HFM1: variants seen among roughly 807,000 people sequenced by gnomAD.
HFM1 encodes helicase for meiosis 1.
A neutral mutation model predicts 192.1 loss-of-function variants in HFM1; 169 were observed. The ratio of observed to expected loss-of-function variants is 0.88; its 90% confidence interval spans 0.78 to 1.00. HFM1 has a LOEUF of 1.00. Ranked by LOEUF, HFM1 falls within the 50% of genes least tolerant of loss-of-function variation. The probability of loss-of-function intolerance (pLI) is 0.00; values close to 1 mark genes in which losing one functional copy is unlikely to be tolerated. For synonymous variants in HFM1, 525 were observed against 537.8 expected (o/e 0.98, Z 0.33); for missense variants, 1,661 against 1,668.0 (o/e 1.00, Z 0.07).
Position 91,392,818 on chromosome 1 carries a change from C to T in HFM1, c.494+1275G>A, listed in dbSNP as rs1161343809. Among the ~76,000 whole-genome samples the T allele has an allele frequency of 2.6e-5, 4 of 151,864 alleles. No homozygotes were observed. In the East Asian group the frequency reaches 7.7e-4, roughly 29 times the overall value. On this transcript the variant is annotated intron_variant, in intron 4 of 38. Coordinates refer to ENST00000370425, the MANE Select transcript of HFM1 (RefSeq NM_001017975.6). Reference sequence around the variant, plus strand: ...AGTGAAAGAAGCCAGGCACAAATAGCCATATTTTGTATAATTGCACTTATA... The same window carrying T: ...AGTGAAAGAAGCCAGGCACAAATAGTCATATTTTGTATAATTGCACTTATA...
intron 7 of HFM1, 83 bp downstream of exon 7, chr1:91,380,829 T>C (rs1376158320): frequency 1.4e-6 from 1 of 727,018 alleles, no homozygotes; most frequent in Non-Finnish European, 2.5e-6. Context: ...GACATAAAGA[T>C]CTAGTAAATC....
In HFM1 at chr1:91,274,935, G is replaced by A. The variant is rs1666668217; in HGVS notation, c.3589-126C>T. 6 of 487,088 alleles carry A rather than the reference G, an allele frequency of 1.2e-5. No homozygotes were observed. The Admixed American group carries it at 2.3e-4, about 18-fold the overall frequency. The allele number at this position is 487,088 out of a possible 1,614,324, so 30.2% of individuals were successfully genotyped here. On this transcript the variant is annotated intron_variant, in intron 32 of 38. Coordinates refer to ENST00000370425, the MANE Select transcript of HFM1 (RefSeq NM_001017975.6). ...AAATCAATGAATTAGGAGAAACTCAGGTTAGTTCTTGACTCGAATATTTCA... is the reference window on the plus strand; with the variant it reads ...AAATCAATGAATTAGGAGAAACTCAAGTTAGTTCTTGACTCGAATATTTCA...
chr1:91,285,353 A>C (rs1667859226), intron 30 of HFM1, among the ~76,000 whole-genome samples: 1 of 152,178 alleles, frequency 6.6e-6, no homozygotes, highest in African/African-American at 2.4e-5. Flanking sequence ...CATTTGTTCA[A>C]CTTGAAAGCA....
chr1:91,277,616 T>C (rs1244647849), intron 30 of HFM1, among the ~76,000 whole-genome samples: 3 of 127,914 alleles, frequency 2.3e-5, no homozygotes, highest in African/African-American at 8.9e-5. Flanking sequence ...ATATATACTA[T>C]ATACTAATAT....
chr1:91,286,404 T>C (rs371828761), intron 30 of HFM1, among the ~76,000 whole-genome samples: 5 of 152,298 alleles, frequency 3.3e-5, no homozygotes, highest in African/African-American at 1.2e-4. Flanking sequence ...CTCTTCCAGT[T>C]TCTGATAGCT....
At chr1:91,312,570 T>C (rs1650627510) in intron 30 of HFM1, among the ~76,000 whole-genome samples, 1 of 152,202 alleles carries the variant, frequency 6.6e-6, no homozygotes, top group African/African-American at 2.4e-5. Context: ...TGTACCCCCA[T>C]TATATCTAGG....
At chr1:91,317,019 C>T (rs1407790771) in intron 25 of HFM1, among the ~76,000 whole-genome samples, 1 of 152,102 alleles carries the variant, frequency 6.6e-6, no homozygotes, top group African/African-American at 2.4e-5. Flanking sequence ...ATTTCCTTAC[C>T]TATATAATCT....
chr1:91,310,721 AG>A (rs1570905334), intron 30 of HFM1, among the ~76,000 whole-genome samples: 1 of 152,184 alleles, frequency 6.6e-6, no homozygotes, highest in East Asian at 1.9e-4. Context: ...GGGTTTATCA[AG>A]GGTTTCTGCT....
At chr1:91,275,506 T>C (rs1359432420) in intron 32 of HFM1, among the ~76,000 whole-genome samples, 1 of 152,196 alleles carries the variant, frequency 6.6e-6, no homozygotes, top group African/African-American at 2.4e-5. Context: ...CTAAATTCAG[T>C]GTTTCCCAAG....
At chr1:91,289,082 G>A (rs75541254) in intron 30 of HFM1, among the ~76,000 whole-genome samples, 45 of 151,576 alleles carry the variant, frequency 3.0e-4, no homozygotes, top group Admixed American at 5.2e-4. Flanking sequence ...GCTGCCGGGC[G>A]GAGACACTCC....
chr1:91,290,965 G>A (rs958556527), intron 30 of HFM1, among the ~76,000 whole-genome samples: 18 of 152,086 alleles, frequency 1.2e-4, no homozygotes, highest in Non-Finnish European at 2.1e-4. Flanking sequence ...GGTACATAAC[G>A]AAATGAAGGC....
chr1:91,389,800 A>T (rs1662711776), intron 4 of HFM1, among the ~76,000 whole-genome samples: 3 of 152,238 alleles, frequency 2.0e-5, no homozygotes, highest in African/African-American at 7.2e-5. Flanking sequence ...GATGGCTATA[A>T]TAAAAAAGAC....
intron 4 of HFM1, among the ~76,000 whole-genome samples, chr1:91,392,787 A>T (rs1358280318): frequency 6.6e-6 from 1 of 152,204 alleles, no homozygotes; most frequent in African/African-American, 2.4e-5. Flanking sequence ...AAAAAATGTT[A>T]CGTTAAGTGA....
intron 30 of HFM1, among the ~76,000 whole-genome samples, chr1:91,290,159 C>T (rs994196208): frequency 1.3e-5 from 2 of 151,784 alleles, no homozygotes; most frequent in African/African-American, 4.8e-5. Context: ...GCAAAATAAC[C>T]AGCTAACATC....
intron 18 of HFM1, among the ~76,000 whole-genome samples, chr1:91,349,540 G>A (rs953036378): frequency 2.3e-4 from 35 of 152,144 alleles, no homozygotes; most frequent in African/African-American, 8.4e-4. Flanking sequence ...CAGCTGCCAT[G>A]CTATGAGGAA....
In HFM1 at chr1:91,380,460, A is replaced by C. The variant is rs756833955; in HGVS notation, c.874-224T>G. 4.6e-5 allele frequency among the ~76,000 whole-genome samples: 7 copies of C among 152,160 alleles called. No homozygotes were observed. The South Asian group carries it at 1.4e-3, about 31-fold the overall frequency. On this transcript the variant is annotated intron_variant, in intron 7 of 38. Coordinates refer to ENST00000370425, the MANE Select transcript of HFM1 (RefSeq NM_001017975.6). The stretch of plus-strand genomic sequence containing the variant: ...TTATTTGTCAATGTAGACCTAGGAG[A>C]AAATCATTCCTGGCTGAGTGCGATG...
chr1:91,362,629 T>C (rs1243673262), intron 13 of HFM1, among the ~76,000 whole-genome samples: 3 of 152,188 alleles, frequency 2.0e-5, no homozygotes, highest in African/African-American at 7.2e-5. Flanking sequence ...CAAAGTAATT[T>C]ATAGATTCAA....
intron 1 of HFM1, chr1:91,404,567 G>T: frequency 4.3e-6 from 1 of 233,480 alleles, no homozygotes; most frequent in Non-Finnish European, 8.5e-6. Flanking sequence ...GCCCGAGCGC[G>T]CCGCAGGCCT....
chr1:91,362,755 G>C (rs1203826815), intron 13 of HFM1, among the ~76,000 whole-genome samples: 2 of 152,068 alleles, frequency 1.3e-5, no homozygotes, highest in Non-Finnish European at 2.9e-5. Flanking sequence ...CAAAGCTGGA[G>C]GTATCATTCT....
Sources: allele counts gnomAD v4.1 joint callset (sites outside exome capture counted in the v4.1 genomes callset), GRCh38; gene constraint gnomAD v4.1.1; transcripts MANE v1.5; gene names NCBI Gene and HGNC (gene_info 2026-07-23, HGNC 2026-07-21).